FAM110B: variants seen among roughly 807,000 people sequenced by gnomAD.
FAM110B encodes the protein protein FAM110B.
A neutral mutation model predicts 20.4 loss-of-function variants in FAM110B; 6 were observed. That is an observed-to-expected ratio of 0.29 (90% CI 0.16 to 0.58). The LOEUF (loss-of-function observed/expected upper bound fraction) is 0.58, where lower values mean the gene tolerates loss of function less well. Among genes scored for constraint, FAM110B ranks in the 20% least tolerant of loss-of-function variants. The pLI is 0.90. For synonymous variants in FAM110B, 226 were observed against 214.1 expected (o/e 1.06, Z -0.49); for missense variants, 434 against 498.2 (o/e 0.87, Z 1.23).
At chr8:58,014,883 G>A (rs1304662188) in intron 1 of FAM110B, among the ~76,000 whole-genome samples, 3 of 152,142 alleles carry the variant, frequency 2.0e-5, no homozygotes, top group Non-Finnish European at 4.4e-5. Context: ...ATTTATAAGT[G>A]TAGTGATTAT....
At position 58,031,671 on chromosome 8, in the gene FAM110B, C is replaced by G. The variant is rs1234324260; in HGVS notation, c.-446C>G. 1.3e-5 allele frequency: 2 copies of G among 152,156 alleles called. No individual in the cohort carries two copies. Among genetic ancestry groups the G allele is most frequent in the Non-Finnish European group, 2.9e-5 (2 of 68,022 alleles). The allele number at this position is 152,156 out of a possible 1,614,324, so 9.4% of individuals were successfully genotyped here. A position where few individuals can be genotyped will look rare whatever the true frequency, so the allele number is the denominator to read the frequency against. On this transcript the variant is annotated 5_prime_UTR_variant, in exon 2 of 4. It adds an upstream start codon to the 5' untranslated region. Coordinates refer to ENST00000519262, the MANE Select transcript of FAM110B (RefSeq NM_001377989.1). Reference sequence around the variant, plus strand: ...GTCTACGTCTTGAATTAGAAACTATCAAGCTCTGTAAGTCCTGAAAAGGAA... The same window carrying G: ...GTCTACGTCTTGAATTAGAAACTATGAAGCTCTGTAAGTCCTGAAAAGGAA...
chr8:58,049,698 T>C (rs1182781538), intron 2 of FAM110B, among the ~76,000 whole-genome samples: 1 of 152,236 alleles, frequency 6.6e-6, no homozygotes, highest in Non-Finnish European at 1.5e-5. Flanking sequence ...TGTGTCTTTC[T>C]TAATAGCCTG....
In FAM110B at chr8:58,147,457, A is replaced by G. The variant is rs1377796193; in HGVS notation, c.*114A>G. 3.8e-6 allele frequency: 5 copies of G among 1,313,688 alleles called. No individual in the cohort carries two copies. The highest frequency in any genetic ancestry group is 5.2e-6 in the Non-Finnish European group (5 of 960,474). 81.4% of individuals were successfully genotyped at this position (1,313,688 alleles called of 1,614,324 possible). ...CCACTCTTTGTGTTGCTTGTTGTGC[A>G]ATGTTTTCAAGTTGCATGCTTGTCA... is the stretch of plus-strand genomic sequence containing the variant. On this transcript the variant is annotated 3_prime_UTR_variant, in exon 4 of 4. Transcript: ENST00000519262.
chr8:58,095,923 C>T (rs1260279337), intron 3 of FAM110B, among the ~76,000 whole-genome samples: 1 of 152,118 alleles, frequency 6.6e-6, no homozygotes, highest in Non-Finnish European at 1.5e-5. Context: ...CTGGATGCTC[C>T]TGTATTGTGT....
At chr8:58,028,172 C>T (rs1430979567) in intron 1 of FAM110B, among the ~76,000 whole-genome samples, 2 of 152,174 alleles carry the variant, frequency 1.3e-5, no homozygotes, top group Admixed American at 6.5e-5. Context: ...GCTGCGGTCT[C>T]GGCTCACTGC....
At chr8:58,032,528 A>G (rs1302888590) in intron 2 of FAM110B, 6 of 152,168 alleles carry the variant, frequency 3.9e-5, no homozygotes, top group Admixed American at 1.3e-4. Flanking sequence ...GTCTGTATTA[A>G]ATGCCTTAAC....
chr8:58,021,693 ATTATT>A (rs1370533871), intron 1 of FAM110B, among the ~76,000 whole-genome samples: 1 of 152,072 alleles, frequency 6.6e-6, no homozygotes, highest in Admixed American at 6.6e-5. Flanking sequence ...ATCAACCAGT[ATTATT>A]TTATCCAATA....
At chr8:58,004,559 A>G (rs1804362885) in intron 1 of FAM110B, among the ~76,000 whole-genome samples, 1 of 152,226 alleles carries the variant, frequency 6.6e-6, no homozygotes, top group African/African-American at 2.4e-5. Context: ...AGCCTGGCCA[A>G]CATGGCGAAA....
intron 2 of FAM110B, among the ~76,000 whole-genome samples, chr8:58,053,946 A>G (rs1256396664): frequency 6.6e-6 from 1 of 152,208 alleles, no homozygotes; most frequent in Non-Finnish European, 1.5e-5. Flanking sequence ...CAGGTTCAGA[A>G]CTCCAGTGCT....
At chr8:58,095,153 C>A (rs879281911) in intron 3 of FAM110B, among the ~76,000 whole-genome samples, 9 of 152,042 alleles carry the variant, frequency 5.9e-5, no homozygotes, top group Non-Finnish European at 8.8e-5. Flanking sequence ...ATTAGTCTGG[C>A]TAGTGGTCTA....
intron 3 of FAM110B, among the ~76,000 whole-genome samples, chr8:58,093,167 A>G (rs1027876065): frequency 6.6e-6 from 1 of 152,142 alleles, no homozygotes; most frequent in Admixed American, 6.5e-5. Flanking sequence ...TCAGATGGAT[A>G]GATTGCAAAA....
intron 1 of FAM110B, among the ~76,000 whole-genome samples, chr8:58,029,576 A>G (rs1203850024): frequency 2.6e-5 from 4 of 152,148 alleles, no homozygotes; most frequent in Non-Finnish European, 4.4e-5. Context: ...ATGAAATTGT[A>G]ATCTCTTAAG....
At chr8:58,043,200 G>A (rs992534557) in intron 2 of FAM110B, 2 of 152,112 alleles carry the variant, frequency 1.3e-5, no homozygotes, top group African/African-American at 4.8e-5. Context: ...CCCTACCCAA[G>A]AGGAGAGGTG....
chr8:58,091,717 C>T (rs1472928971), intron 3 of FAM110B: 1 of 152,158 alleles, frequency 6.6e-6, no homozygotes, highest in Non-Finnish European at 1.5e-5. Context: ...TACGATCCTA[C>T]TGAAACTCAT....
At chr8:58,043,251 C>T (rs940618749) in intron 2 of FAM110B, 1 of 152,196 alleles carries the variant, frequency 6.6e-6, no homozygotes, top group African/African-American at 2.4e-5. Context: ...CTGCGATGCA[C>T]CAGCCCGGTG....
chr8:58,117,690 G>A (rs765444097), intron 3 of FAM110B, among the ~76,000 whole-genome samples: 7 of 152,204 alleles, frequency 4.6e-5, no homozygotes, highest in East Asian at 3.9e-4. Flanking sequence ...TAATATGTTC[G>A]TATTTGCAAA....
In FAM110B at chr8:58,029,450, C is replaced by T. The variant is rs190991734; in HGVS notation, c.-511-2156C>T. Among the ~76,000 whole-genome samples, 24 of 152,180 alleles carry T rather than the reference C, an allele frequency of 1.6e-4. 1 individual carries two copies. The highest frequency in any genetic ancestry group is 3.4e-3 in the Middle Eastern group (1 of 294). On this transcript the variant is annotated intron_variant, in intron 1 of 3. Transcript: ENST00000519262. ...GCTTTATCAGTGGGACAAAAGGCAG[C>T]GTATGCCCTTGATAACTTTTAACAG...
chr8:58,032,326 A>G (rs1177068590), intron 2 of FAM110B: 3 of 152,240 alleles, frequency 2.0e-5, no homozygotes, highest in Non-Finnish European at 4.4e-5. Flanking sequence ...CTCACTGGAC[A>G]TGGGACCTAG....
chr8:58,096,889 T>C (rs1806646511), intron 3 of FAM110B, among the ~76,000 whole-genome samples: 1 of 152,242 alleles, frequency 6.6e-6, no homozygotes, highest in Non-Finnish European at 1.5e-5. Flanking sequence ...TTCTGGCTTG[T>C]AGGGTTTCTG....
Sources: gnomAD v4.1 joint callset for allele counts (sites outside exome capture counted in the v4.1 genomes callset) on GRCh38, gnomAD v4.1.1 for gene constraint, MANE v1.5 for transcripts, NCBI Gene and HGNC (gene_info 2026-07-23, HGNC 2026-07-21) for gene names.